Variants in ADRA1B observed in about 807,000 individuals in gnomAD.
The protein encoded by ADRA1B is adrenoceptor alpha 1B.
Under a neutral mutation model 17.9 loss-of-function variants are expected in ADRA1B, and 17 were observed. The observed-to-expected ratio is 0.95, with a 90% CI of 0.65 to 1.42. ADRA1B has a LOEUF of 1.42. Among genes scored for constraint, ADRA1B ranks in the 40% most tolerant of loss-of-function variants. The pLI is 0.00. For missense variants in ADRA1B, 681 were observed against 722.1 expected (o/e 0.94, Z 0.65); for synonymous variants, 366 against 327.6 (o/e 1.12, Z -1.27).
At position 159,917,397 on chromosome 5, in the gene ADRA1B, G is replaced by C. The variant is rs772799249; in HGVS notation, c.492G>C (p.Leu164Phe). The C allele has an allele frequency of 1.2e-5, 19 of 1,614,146 alleles. No individual in the cohort carries two copies. Among genetic ancestry groups the C allele is most frequent in the Non-Finnish European group, 1.5e-5 (18 of 1,180,022 alleles). The stretch of plus-strand genomic sequence containing the variant: ...TGGTCACCCGGAGGAAGGCCATCTT[G>C]GCGCTGCTCAGTGTCTGGGTCTTGT... ...PTLVTRRKAI[L>F]ALLSVWVLST... is the part of the protein sequence containing the mutation. The change falls in exon 1 of 2, where the codon TTG (leucine) becomes TTC (phenylalanine). Residue 164 changes from leucine (L) to phenylalanine (F), a missense_variant. Around this residue, in one of 3 missense-constraint regions of ADRA1B, gnomAD observed 424 missense variants for 480.2 expected, o/e 0.88. Coordinates refer to ENST00000306675, the MANE Select transcript of ADRA1B (RefSeq NM_000679.4).
intron 1 of ADRA1B, among the ~76,000 whole-genome samples, chr5:159,937,068 G>C (rs1435655413): frequency 6.6e-6 from 1 of 152,186 alleles, no homozygotes; most frequent in Non-Finnish European, 1.5e-5. Flanking sequence ...CAAGCAGTCT[G>C]GGTTTTCCCA....
chr5:159,963,827 A>G (rs1440342458), intron 1 of ADRA1B, among the ~76,000 whole-genome samples: 3 of 152,116 alleles, frequency 2.0e-5, no homozygotes, highest in Non-Finnish European at 4.4e-5. Flanking sequence ...CCAGCCAAGA[A>G]ATGTTTTTCC....
Position 159,916,542 on chromosome 5 carries a change from C to T in ADRA1B, c.-364C>T. 1 of 176,226 alleles carries T rather than the reference C, an allele frequency of 5.7e-6. No individual in the cohort carries two copies. The highest frequency in any genetic ancestry group is 1.2e-5 in the Non-Finnish European group (1 of 84,596). 10.9% of individuals were successfully genotyped at this position (176,226 alleles called of 1,614,324 possible). A position where few individuals can be genotyped will look rare whatever the true frequency, so the allele number is the denominator to read the frequency against. On this transcript the variant is annotated 5_prime_UTR_variant, in exon 1 of 2. In the 5' UTR this introduces an upstream ATG that the reference lacks. Transcript: ENST00000306675. ...TCTTCGGCGCTCGCTGGGCGGAGGA[C>T]GCGCCGCGGTCCGCAGACCCGAGCG...
chr5:159,951,640 G>A (rs1197867558), intron 1 of ADRA1B: 3 of 377,248 alleles, frequency 8.0e-6, no homozygotes, highest in Non-Finnish European at 1.5e-5. Flanking sequence ...AAAGAATGCA[G>A]TCTGCTCCTC....
At chr5:159,912,376 G>A (rs934226152), upstream of ADRA1B, among the ~76,000 whole-genome samples, 1 of 152,224 alleles carries the variant, frequency 6.6e-6, no homozygotes, top group African/African-American at 2.4e-5. Flanking sequence ...TGACAGAAGT[G>A]CAATTAGAAT....
downstream of ADRA1B, among the ~76,000 whole-genome samples, chr5:159,977,067 C>T (rs1245124628): frequency 6.6e-6 from 1 of 152,192 alleles, no homozygotes; most frequent in Non-Finnish European, 1.5e-5. Flanking sequence ...GTATATCCTC[C>T]ATTCCAGCAG....
chr5:159,966,533 A>G (rs1008388623), intron 1 of ADRA1B, among the ~76,000 whole-genome samples: 1 of 152,224 alleles, frequency 6.6e-6, no homozygotes, highest in Non-Finnish European at 1.5e-5. Context: ...GGACTTGTTC[A>G]GGGTGCAAAG....
At chr5:159,928,947 A>G (rs1245525320) in intron 1 of ADRA1B, 1 of 152,166 alleles carries the variant, frequency 6.6e-6, no homozygotes, top group African/African-American at 2.4e-5. Context: ...CATCAAGAGG[A>G]AGCAGTAGGG....
intron 1 of ADRA1B, chr5:159,947,632 C>T (rs998494185): frequency 4.8e-5 from 41 of 856,062 alleles, no homozygotes; most frequent in South Asian, 2.7e-4. Flanking sequence ...TTCAAATTAA[C>T]GCTAAAGCTA....
At chr5:159,923,755 A>G (rs1754559722) in intron 1 of ADRA1B, among the ~76,000 whole-genome samples, 1 of 152,278 alleles carries the variant, frequency 6.6e-6, no homozygotes, top group Non-Finnish European at 1.5e-5. Flanking sequence ...TTAAAAGAAT[A>G]GATCCTTGGA....
chr5:159,908,457 G>T (rs1242157366), intron 1 of ADRA1B, among the ~76,000 whole-genome samples: 1 of 152,144 alleles, frequency 6.6e-6, no homozygotes, highest in East Asian at 1.9e-4. Context: ...TGCCATTCTT[G>T]CAGGAGTGAG....
chr5:159,909,697 T>C (rs1487283385), intron 1 of ADRA1B, among the ~76,000 whole-genome samples: 2 of 152,230 alleles, frequency 1.3e-5, no homozygotes, highest in African/African-American at 4.8e-5. Flanking sequence ...TTCACTACAT[T>C]CAGTTCAAGT....
At chr5:159,869,895 A>T (rs1753713042) in intron 1 of ADRA1B, 1 of 152,248 alleles carries the variant, frequency 6.6e-6, no homozygotes, top group South Asian at 2.1e-4. Context: ...AATATTAGAC[A>T]TTAGTAGCAG....
chr5:159,903,396 C>T (rs985864981), intron 1 of ADRA1B, among the ~76,000 whole-genome samples: 16 of 152,188 alleles, frequency 1.1e-4, no homozygotes, highest in Non-Finnish European at 4.4e-5. Context: ...TAGCATAGCC[C>T]TGATATCTAG....
chr5:159,894,262 G>A (rs899686314), intron 1 of ADRA1B, among the ~76,000 whole-genome samples: 1 of 152,232 alleles, frequency 6.6e-6, no homozygotes, highest in Non-Finnish European at 1.5e-5. Context: ...GCCCTCTTGG[G>A]ATTTATGTGC....
In ADRA1B at chr5:159,928,716, G is replaced by A. The variant is rs112102177; in HGVS notation, c.949+10862G>A. Among the ~76,000 whole-genome samples the A allele has an allele frequency of 5.7e-3, 873 of 152,270 alleles. 10 individuals are homozygous for A. The highest frequency in any genetic ancestry group is 0.02 in the African/African-American group (826 of 41,568). On this transcript the variant is annotated intron_variant, in intron 1 of 1. Transcript: ENST00000306675. ...GTGCATTGCTTAGAGGCTGAGCTTA[G>A]CACCCTGGCCGTGCCCCAAAAGGAG...
At chr5:159,871,270 C>G (rs1459174784) in intron 1 of ADRA1B, 1 of 152,188 alleles carries the variant, frequency 6.6e-6, no homozygotes, top group Non-Finnish European at 1.5e-5. Flanking sequence ...GGTCAGCAAA[C>G]AGCTGGGCTA....
At chr5:159,902,809 T>C (rs1009289818) in intron 1 of ADRA1B, among the ~76,000 whole-genome samples, 1 of 152,252 alleles carries the variant, frequency 6.6e-6, no homozygotes, top group African/African-American at 2.4e-5. Flanking sequence ...ACCTGCCTTT[T>C]AAGCAGTGTG....
At chr5:159,965,262 G>C (rs1193628892) in intron 1 of ADRA1B, among the ~76,000 whole-genome samples, 1 of 152,190 alleles carries the variant, frequency 6.6e-6, no homozygotes, top group Non-Finnish European at 1.5e-5. Flanking sequence ...GGCCTGGCGA[G>C]CCATGATTCC....
Sources: gnomAD v4.1 joint callset for allele counts (sites outside exome capture counted in the v4.1 genomes callset) on GRCh38, gnomAD v4.1.1 for gene constraint, gnomAD v4.1.1 regional missense constraint, MANE v1.5 for transcripts, NCBI Gene and HGNC (gene_info 2026-07-23, HGNC 2026-07-21) for gene names.